The following PDE7B variants were observed in gnomAD, a reference collection of about 807,000 sequenced individuals.
PDE7B encodes 3',5'-cyclic-AMP phosphodiesterase 7B.
In PDE7B, 29 loss-of-function variants were observed where a neutral mutation model predicts 56.2. The ratio of observed to expected loss-of-function variants is 0.52; its 90% CI spans 0.38 to 0.70. The LOEUF (loss-of-function observed/expected upper bound fraction) is 0.70, where lower values mean the gene tolerates loss of function less well. Among genes scored for constraint, PDE7B ranks in the 30% least tolerant of loss-of-function variants. PDE7B has a pLI of 0.00. For missense variants in PDE7B, 490 were observed against 565.0 expected (o/e 0.87, Z 1.35); for synonymous variants, 197 against 196.9 (o/e 1.00, Z 0.00).
chr6:135,903,084 G>A (rs2128192142), intron 1 of PDE7B, among the ~76,000 whole-genome samples: 1 of 152,226 alleles, frequency 6.6e-6, no homozygotes, highest in Non-Finnish European at 1.5e-5. Flanking sequence ...ATTTAATGAT[G>A]CCTAATTATT....
chr6:136,070,031 C>T (rs1777019912), intron 2 of PDE7B, among the ~76,000 whole-genome samples: 2 of 151,876 alleles, frequency 1.3e-5, no homozygotes, highest in Non-Finnish European at 2.9e-5. Context: ...CCCCAAGAGT[C>T]AACTCTTTCT....
chr6:136,190,970 T>A (rs1301045461), intron 12 of PDE7B, among the ~76,000 whole-genome samples: 1 of 148,638 alleles, frequency 6.7e-6, no homozygotes, highest in East Asian at 2.0e-4. Flanking sequence ...TCATTTGCCC[T>A]CTCCATCCCT....
At chr6:135,923,312 T>C (rs1774124705) in intron 1 of PDE7B, among the ~76,000 whole-genome samples, 1 of 152,220 alleles carries the variant, frequency 6.6e-6, no homozygotes, top group Non-Finnish European at 1.5e-5. Context: ...GCCTTAGAGC[T>C]ATTACACAGA....
intron 1 of PDE7B, among the ~76,000 whole-genome samples, chr6:135,935,204 A>ATT (rs1562445499): frequency 3.5e-4 from 26 of 73,812 alleles, no homozygotes; most frequent in East Asian, 1.5e-3. Context: ...ATATATATAT[A>ATT]TATATATATA....
chr6:136,066,881 T>C (rs1204678825), intron 2 of PDE7B, among the ~76,000 whole-genome samples: 7 of 149,048 alleles, frequency 4.7e-5, no homozygotes, highest in African/African-American at 1.5e-4. Context: ...AAATGAGGCC[T>C]CACTGTGTCA....
intron 2 of PDE7B, among the ~76,000 whole-genome samples, chr6:135,996,383 C>G (rs755995758): frequency 1.3e-5 from 2 of 152,140 alleles, no homozygotes; most frequent in Non-Finnish European, 2.9e-5. Context: ...TTCACTGATT[C>G]ACCAAATGAT....
At chr6:136,099,742 T>C (rs1159740348) in intron 2 of PDE7B, among the ~76,000 whole-genome samples, 1 of 152,212 alleles carries the variant, frequency 6.6e-6, no homozygotes, top group Non-Finnish European at 1.5e-5. Flanking sequence ...ACCCTGATGA[T>C]AGTTTCTTTT....
intron 2 of PDE7B, among the ~76,000 whole-genome samples, chr6:136,099,266 T>C (rs903988517): frequency 3.3e-5 from 5 of 152,220 alleles, no homozygotes; most frequent in Admixed American, 6.5e-5. Flanking sequence ...AGCAGCATGA[T>C]TTATAATCCT....
In PDE7B at chr6:135,935,218, T is replaced by TATATATATATA. The variant is rs1457746105; in HGVS notation, c.22-12246_22-12245insATATATATATA. 7.2e-3 allele frequency among the ~76,000 whole-genome samples: 250 copies of TATATATATATA among 34,712 alleles called. 36 individuals are homozygous for TATATATATATA. Among genetic ancestry groups the TATATATATATA allele is most frequent in the Middle Eastern group, 0.026 (1 of 38 alleles). 22.8% of individuals were successfully genotyped at this position (34,712 alleles called of 152,430 possible). A position where few individuals can be genotyped will look rare whatever the true frequency, so the allele number is the denominator to read the frequency against. On this transcript the variant is annotated intron_variant, in intron 1 of 12. Coordinates refer to ENST00000308191, the MANE Select transcript of PDE7B (RefSeq NM_018945.4). ...TATATATATATATATATATATATAT[T>TATATATATATA]TTCATGATTCTTGCTCTCCAGGAAA... is the stretch of plus-strand genomic sequence containing the variant.
chr6:135,907,378 C>T (rs1472876603), intron 1 of PDE7B, among the ~76,000 whole-genome samples: 1 of 152,086 alleles, frequency 6.6e-6, no homozygotes. Context: ...TCTCCCCTGG[C>T]ACCCCAAAGA....
intron 2 of PDE7B, among the ~76,000 whole-genome samples, chr6:136,042,204 C>T (rs181850705): frequency 1.2e-4 from 18 of 152,288 alleles, no homozygotes; most frequent in African/African-American, 4.3e-4. Context: ...AGTCAGCTTA[C>T]ACCATTGCAG....
intron 1 of PDE7B, among the ~76,000 whole-genome samples, chr6:135,941,955 A>G (rs1343496290): frequency 6.6e-6 from 1 of 152,230 alleles, no homozygotes. Flanking sequence ...AAAAAGATAT[A>G]TGAAAGCTTA....
In PDE7B at chr6:136,056,512, C is replaced by CTTTTTTTT. The variant is rs542232291; in HGVS notation, c.83-52189_83-52182dup. 2.8e-4 allele frequency among the ~76,000 whole-genome samples: 15 copies of CTTTTTTTT among 53,904 alleles called. 5 individuals are homozygous for CTTTTTTTT. The highest frequency in any genetic ancestry group is 8.6e-4 in the African/African-American group (9 of 10,456). The allele number at this position is 53,904 out of a possible 152,430, so 35.4% of individuals were successfully genotyped here. ...TCTGAGCTCCTTTGCAGATAGAATCCTTTTTTTTTTTTTTTTTTTTTTTTT... is the reference window on the plus strand; with the variant it reads ...TCTGAGCTCCTTTGCAGATAGAATCCTTTTTTTTTTTTTTTTTTTTTTTTTTTTTTTTT... On this transcript the variant is annotated intron_variant, in intron 2 of 12. Coordinates refer to ENST00000308191, the MANE Select transcript of PDE7B (RefSeq NM_018945.4).
intron 1 of PDE7B, among the ~76,000 whole-genome samples, chr6:135,878,139 T>C (rs1260977477): frequency 2.0e-5 from 3 of 152,184 alleles, no homozygotes; most frequent in African/African-American, 7.2e-5. Context: ...TGCCGCAATA[T>C]CCTGTTAGTT....
intron 1 of PDE7B, among the ~76,000 whole-genome samples, chr6:135,940,069 A>G (rs1460237503): frequency 6.6e-6 from 1 of 152,014 alleles, no homozygotes; most frequent in Non-Finnish European, 1.5e-5. Flanking sequence ...TATTGACCCC[A>G]ATTTTTCTCC....
chr6:136,171,514 A>T (rs867262433), intron 8 of PDE7B, among the ~76,000 whole-genome samples: 38 of 152,318 alleles, frequency 2.5e-4, no homozygotes, highest in Middle Eastern at 3.4e-3. Flanking sequence ...AATGATGGTC[A>T]GTGCAGTAGA....
intron 2 of PDE7B, among the ~76,000 whole-genome samples, chr6:135,976,062 C>T (rs79445137): frequency 1.3e-5 from 2 of 152,048 alleles, no homozygotes; most frequent in African/African-American, 4.8e-5. Context: ...GACCTGCAGC[C>T]GATACCACAG....
intron 2 of PDE7B, among the ~76,000 whole-genome samples, chr6:136,018,009 G>A (rs904150276): frequency 6.6e-6 from 1 of 152,104 alleles, no homozygotes; most frequent in African/African-American, 2.4e-5. Flanking sequence ...TGGGAAGTTG[G>A]GGACTATGAT....
chr6:135,984,167 G>A (rs1775341458), intron 2 of PDE7B, among the ~76,000 whole-genome samples: 1 of 152,234 alleles, frequency 6.6e-6, no homozygotes, highest in Non-Finnish European at 1.5e-5. Flanking sequence ...TTTTTCATCA[G>A]CCAGAGCTGT....
Sources: gnomAD v4.1 joint callset for allele counts (sites outside exome capture counted in the v4.1 genomes callset) on GRCh38, gnomAD v4.1.1 for gene constraint, MANE v1.5 for transcripts, NCBI Gene and HGNC (gene_info 2026-07-23, HGNC 2026-07-21) for gene names.